UBL4A: variants seen among roughly 807,000 people sequenced by gnomAD.
UBL4A encodes the protein ubiquitin like 4A, also known as ubiquitin-like protein 4A.
In UBL4A, 4 loss-of-function variants were observed where a neutral mutation model predicts 11.4. The observed-to-expected ratio is 0.35, with a 90% CI of 0.17 to 0.81. The LOEUF is 0.81. Among genes scored for constraint, UBL4A ranks in the 30% least tolerant of loss-of-function variants. The probability of loss-of-function intolerance (pLI) is 0.52; values close to 1 mark genes in which losing one functional copy is unlikely to be tolerated. For missense variants in UBL4A, 112 were observed against 124.9 expected (o/e 0.90, Z 0.49); for synonymous variants, 72 against 61.2 (o/e 1.18, Z -0.83).
intron 1 of UBL4A, 66 bp downstream of exon 1, chrX:154,486,471 C>A: frequency 2.0e-6 from 2 of 1,004,436 alleles, no homozygotes; most frequent in Non-Finnish European, 1.3e-6. Context: ...TCGGCCCTGC[C>A]GGTCCCCCTG....
At position 154,485,437 on chromosome X, in the gene UBL4A, G is replaced by T; in HGVS notation, c.*102C>A. 1 of 901,905 alleles carries T rather than the reference G, an allele frequency of 1.1e-6. No individual in the cohort carries two copies. The highest frequency in any genetic ancestry group is 1.6e-6 in the Non-Finnish European group (1 of 612,882). 74.3% of individuals were successfully genotyped at this position (901,905 alleles called of 1,213,427 possible). On this transcript the variant is annotated 3_prime_UTR_variant, in exon 4 of 4. Transcript: ENST00000369660. ...AGCACCTGGCCAGAGCCAGGTACATGCCAGCTATGATGATGATGAGCCCAA... is the reference window on the plus strand; with the variant it reads ...AGCACCTGGCCAGAGCCAGGTACATTCCAGCTATGATGATGATGAGCCCAA...
At chrX:154,486,123 G>A in intron 2 of UBL4A, 105 bp downstream of exon 2, 2 of 1,034,718 alleles carry the variant, frequency 1.9e-6, no homozygotes, top group Non-Finnish European at 1.3e-6. Flanking sequence ...GTCATGTGGC[G>A]CTTGGCGCCC....
chrX:154,486,377 C>G (rs1389828681), intron 1 of UBL4A, 44 bp from the exon 2 acceptor site: 6 of 1,083,773 alleles, frequency 5.5e-6, no homozygotes, highest in Non-Finnish European at 7.3e-6. Context: ...GCCCGCGGCC[C>G]CCAGACGGCG....
rs782682012 is a variant in UBL4A at position 154,485,546 on chromosome X, G to A, written c.467C>T (p.Ser156Phe). The change falls in exon 4 of 4, where the codon TCC (serine) becomes TTC (phenylalanine). Residue 156 changes from serine to phenylalanine, a missense_variant. By Grantham distance (155) the Ser-to-Phe change is radical (BLOSUM62 -2). Transcript: ENST00000369660. The part of the protein sequence containing the change: ...EVTETMEKGF[S>F]K Reference sequence around the variant, plus strand: ...CCCCATGCTCCGAGAATTCTATTTGGAGAAGCCCTTCTCCATTGTCTCAGT... The same window carrying A: ...CCCCATGCTCCGAGAATTCTATTTGAAGAAGCCCTTCTCCATTGTCTCAGT... The A allele has an allele frequency of 7.4e-6, 9 of 1,211,153 alleles. No individual in the cohort carries two copies. In the East Asian group the frequency reaches 2.4e-4, roughly 32 times the overall value.
In UBL4A at chrX:154,485,874, A is replaced by C; in HGVS notation, c.260T>G (p.Leu87Arg). The C allele has an allele frequency of 8.3e-7, 1 of 1,210,898 alleles. No homozygotes were observed. Among genetic ancestry groups the C allele is most frequent in the Non-Finnish European group, 1.1e-6 (1 of 895,059 alleles). The change falls in exon 3 of 4, where the codon CTG becomes CGG. Residue 87 changes from leucine to arginine, a missense_variant. Physicochemically the swap from Leu to Arg is moderately radical, Grantham distance 102. Coordinates refer to ENST00000369660, the MANE Select transcript of UBL4A (RefSeq NM_014235.5). ...VLLEEGEAQR[L>R]ADSPPPQVWQ... is the part of the protein sequence containing the mutation. ...GACCTGCGGGGGTGGGGAGTCGGCC[A>C]GCCTCTGGGCCTCGCCTTCTTCTAG...
In UBL4A at chrX:154,485,950, C is replaced by T. The variant is rs1412366328; in HGVS notation, c.184G>A (p.Gly62Arg). 1.7e-6 allele frequency: 2 copies of T among 1,207,474 alleles called. No individual in the cohort carries two copies. Among genetic ancestry groups the T allele is most frequent in the Non-Finnish European group, 2.2e-6 (2 of 895,114 alleles). Residue 62 changes from glycine (G) to arginine (R), a missense_variant, in exon 3 of 4, where the codon GGG becomes AGG. By Grantham distance (125) the Gly-to-Arg change is moderately radical. Transcript: ENST00000369660. ...ACTAGGTTGAGCTTGGAGTTGGGCCCGATGCTATAATCCGAGAGTCGTTTC... is the reference window on the plus strand; with the variant it reads ...ACTAGGTTGAGCTTGGAGTTGGGCCTGATGCTATAATCCGAGAGTCGTTTC... ...DGKRLSDYSI[G>R]PNSKLNLVVK...
Position 154,484,316 on chromosome X carries a change from G to A in UBL4A, c.*1223C>T, listed in dbSNP as rs782343034. The A allele has an allele frequency of 1.8e-5, 2 of 112,823 alleles. No homozygotes were observed. Among genetic ancestry groups the A allele is most frequent in the Non-Finnish European group, 3.7e-5 (2 of 53,355 alleles). The allele number at this position is 112,823 out of a possible 1,213,427, so 9.3% of individuals were successfully genotyped here. ...GCCTCTGTCCATCTTTCCAGCCTGG[G>A]GACCCAATATTTGCCCCACAAGGCC... On this transcript the variant is annotated 3_prime_UTR_variant, in exon 4 of 4. Coordinates refer to ENST00000369660, the MANE Select transcript of UBL4A (RefSeq NM_014235.5).
At chrX:154,485,690 G>T (rs368872121) in intron 3 of UBL4A, 41 bp from the exon 4 acceptor site, 212 of 1,042,628 alleles carry the variant, frequency 2.0e-4, no homozygotes, top group Non-Finnish European at 2.7e-4. Flanking sequence ...GCTGCCAGTG[G>T]TGGGGGGGCA....
Position 154,486,239 on chromosome X carries a change from T to A in UBL4A, c.143A>T (p.Lys48Met). 8.7e-7 allele frequency: 1 copy of A among 1,155,195 alleles called. No individual in the cohort carries two copies. The highest frequency in any genetic ancestry group is 1.2e-6 in the Non-Finnish European group (1 of 867,493). The change falls in exon 2 of 4, where the codon AAG (lysine) becomes ATG (methionine). Residue 48 changes from lysine (K) to methionine (M), a missense_variant. Transcript: ENST00000369660. ...VRQQRLLFKG[K>M]ALADGKRLSD... ...CTCTCCCTGGGTACCTGCCAGGGCC[T>A]TGCCCTTGAACAGCAGCCGCTGCTG... is the stretch of plus-strand genomic sequence containing the variant.
In UBL4A at chrX:154,485,665, C is replaced by G. The variant is rs1378111976; in HGVS notation, c.364-16G>C. On this transcript the variant is annotated splice_polypyrimidine_tract_variant and intron_variant, in intron 3 of 3. Coordinates refer to ENST00000369660, the MANE Select transcript of UBL4A (RefSeq NM_014235.5). ...TCTCGTAATCCTGGGGAGAGAAGGG[C>G]AGGAAGATTCAGGGGCTGCCAGTGG... 1 of 1,190,348 alleles carries G rather than the reference C, an allele frequency of 8.4e-7. No individual in the cohort carries two copies. The highest frequency in any genetic ancestry group is 1.1e-6 in the Non-Finnish European group (1 of 880,215).
Position 154,484,200 on chromosome X carries a change from C to T in UBL4A, c.*1339G>A, listed in dbSNP as rs1253621613. 1 of 113,132 alleles carries T rather than the reference C, an allele frequency of 8.8e-6. No homozygotes were observed. Among genetic ancestry groups the T allele is most frequent in the Non-Finnish European group, 1.9e-5 (1 of 53,405 alleles). The allele number at this position is 113,132 out of a possible 1,213,427, so 9.3% of individuals were successfully genotyped here. Reference sequence around the variant, plus strand: ...CACATGCTCACGAGTGTGTCCCTGCCGTAGGTGGCTTTGAAGCCATATACA... The same window carrying T: ...CACATGCTCACGAGTGTGTCCCTGCTGTAGGTGGCTTTGAAGCCATATACA... On this transcript the variant is annotated 3_prime_UTR_variant, in exon 4 of 4. Coordinates refer to ENST00000369660, the MANE Select transcript of UBL4A (RefSeq NM_014235.5).
At chrX:154,486,109 T>C in intron 2 of UBL4A, 119 bp downstream of exon 2, 1 of 1,016,320 alleles carries the variant, frequency 9.8e-7, no homozygotes, top group Non-Finnish European at 1.3e-6. Flanking sequence ...CCGCCTCCCT[T>C]GGGGTCATGT....
Position 154,486,335 on chromosome X carries a change from TG to T in UBL4A, c.49-3del. The T allele has an allele frequency of 8.8e-7, 1 of 1,138,289 alleles. No homozygotes were observed. The allele number at this position is 1,138,289 out of a possible 1,213,427, so 93.8% of individuals were successfully genotyped here. ...GGACACCAGCTCGTCCTCTGGCACC[TG>T]GCCGCGCGGAGGGTGGGAGGCAAGG... On this transcript the variant is annotated splice_region_variant and splice_polypyrimidine_tract_variant and intron_variant, in intron 1 of 3. Coordinates refer to ENST00000369660, the MANE Select transcript of UBL4A (RefSeq NM_014235.5).
chrX:154,485,687 G>GT (rs781826449), intron 3 of UBL4A, 38 bp from the exon 4 acceptor site: 210 of 1,170,469 alleles, frequency 1.8e-4, no homozygotes, highest in Admixed American at 6.7e-4. Flanking sequence ...GGGGCTGCCA[G>GT]TGGTGGGGGG....
chrX:154,485,655 G>A lies in UBL4A; in HGVS notation c.364-6C>T. The A allele has an allele frequency of 1.7e-6, 2 of 1,205,254 alleles. No individual in the cohort carries two copies. Among genetic ancestry groups the A allele is most frequent in the Non-Finnish European group, 2.2e-6 (2 of 891,098 alleles). ...CTCAGGGACCTCTCGTAATCCTGGGGAGAGAAGGGCAGGAAGATTCAGGGG... is the reference window on the plus strand; with the variant it reads ...CTCAGGGACCTCTCGTAATCCTGGGAAGAGAAGGGCAGGAAGATTCAGGGG... On this transcript the variant is annotated splice_region_variant and splice_polypyrimidine_tract_variant and intron_variant, in intron 3 of 3. Coordinates refer to ENST00000369660, the MANE Select transcript of UBL4A (RefSeq NM_014235.5).
In UBL4A at chrX:154,486,552, G is replaced by A; in HGVS notation, c.33C>T (p.Arg11=). 9.8e-7 allele frequency: 1 copy of A among 1,016,105 alleles called. No individual in the cohort carries two copies. Among genetic ancestry groups the A allele is most frequent in the Non-Finnish European group, 1.3e-6 (1 of 798,295 alleles). 83.7% of individuals were successfully genotyped at this position (1,016,105 alleles called of 1,213,427 possible). MQLTVKALQG[R]ECSLQVPEDE... is the part of the protein sequence containing the mutation. ...GGGACCCTACCTGCAGGCTGCACTCGCGGCCCTGCAGCGCCTTCACCGTCA... is the reference window on the plus strand; with the variant it reads ...GGGACCCTACCTGCAGGCTGCACTCACGGCCCTGCAGCGCCTTCACCGTCA... The change falls in exon 1 of 4, where the codon CGC becomes CGT. Residue 11 remains arginine (R), a synonymous_variant. Coordinates refer to ENST00000369660, the MANE Select transcript of UBL4A (RefSeq NM_014235.5).
At position 154,486,517 on chromosome X, in the gene UBL4A, G is replaced by GA; in HGVS notation, c.48+19_48+20insT. 2 of 1,032,912 alleles carry GA rather than the reference G, an allele frequency of 1.9e-6. No individual in the cohort carries two copies. Among genetic ancestry groups the GA allele is most frequent in the Non-Finnish European group, 2.5e-6 (2 of 808,361 alleles). 85.1% of individuals were successfully genotyped at this position (1,032,912 alleles called of 1,213,427 possible). On this transcript the variant is annotated intron_variant, in intron 1 of 3. Coordinates refer to ENST00000369660, the MANE Select transcript of UBL4A (RefSeq NM_014235.5). ...GCGAGAGAGCGCGCCGGACCCGGCG[G>GA]CCCGGCCCGGGGACCCTACCTGCAG...
At chrX:154,486,171 G>C in intron 2 of UBL4A, 57 bp downstream of exon 2, 1 of 1,106,314 alleles carries the variant, frequency 9.0e-7, no homozygotes, top group Non-Finnish European at 1.2e-6. Flanking sequence ...GCCTCGGCCC[G>C]CGCACCCCGG....
Position 154,486,384 on chromosome X carries a change from G to A in UBL4A, c.49-51C>T, listed in dbSNP as rs1372897064. On this transcript the variant is annotated intron_variant, in intron 1 of 3. Coordinates refer to ENST00000369660, the MANE Select transcript of UBL4A (RefSeq NM_014235.5). Reference sequence around the variant, plus strand: ...AGGGTTGAGCCCGCGGCCCCCAGACGGCGAAGCCCACGCGTCCGCCCCCGA... The same window carrying A: ...AGGGTTGAGCCCGCGGCCCCCAGACAGCGAAGCCCACGCGTCCGCCCCCGA... The A allele has an allele frequency of 7.5e-6, 8 of 1,069,635 alleles. No individual in the cohort carries two copies. In the Admixed American group the frequency reaches 2.6e-4, roughly 35 times the overall value. 88.1% of individuals were successfully genotyped at this position (1,069,635 alleles called of 1,213,427 possible).
Sources: allele counts gnomAD v4.1 joint callset, GRCh38; gene constraint gnomAD v4.1.1; transcripts MANE v1.5; gene names NCBI Gene and HGNC (gene_info 2026-07-23, HGNC 2026-07-21).